SPATA13: variants seen among roughly 807,000 people sequenced by gnomAD.
SPATA13 encodes the protein spermatogenesis associated 13, also known as spermatogenesis-associated protein 13.
SPATA13 carries 50 observed loss-of-function variants against 104.0 expected under a neutral mutation model. The ratio of observed to expected loss-of-function variants is 0.48; its 90% CI spans 0.38 to 0.61. The LOEUF is 0.61. SPATA13 is among the 20% of genes least tolerant of loss of function. The pLI is 0.00. For missense variants in SPATA13, 1,524 were observed against 1,690.6 expected, an observed-to-expected ratio of 0.90 and a Z score of 1.73; for synonymous variants, 606 against 667.5, an observed-to-expected ratio of 0.91 and a Z score of 1.42.
chr13:24,026,164 C>A (rs73162159), intron 3 of SPATA13, among the ~76,000 whole-genome samples: 1 of 152,238 alleles, frequency 6.6e-6, no homozygotes, highest in Non-Finnish European at 1.5e-5. Context: ...TATGATTTTT[C>A]ATGTCGTTTT....
upstream of SPATA13, among the ~76,000 whole-genome samples, chr13:24,158,053 GAAC>G (rs960774498): frequency 8.5e-5 from 13 of 152,300 alleles, no homozygotes; most frequent in African/African-American, 2.9e-4. Flanking sequence ...ATGTTATGTG[GAAC>G]AACAACAAAA....
Position 24,161,264 on chromosome 13 carries a change from C to T in SPATA13, c.-112+332C>T, listed in dbSNP as rs892307601. ...GTCGCCTTGTAACTTCACCCGCGCT[C>T]CCAGCTCGCGGGGCCTGGCCTACAG... On this transcript the variant is annotated intron_variant, in intron 1 of 12. Transcript: ENST00000382108. The surrounding 1 kb of genome is among the most constrained non-coding windows in gnomAD (Gnocchi z 4.5). Among the ~76,000 whole-genome samples, 1 of 152,144 alleles carries T rather than the reference C, an allele frequency of 6.6e-6. No individual in the cohort carries two copies. The highest frequency in any genetic ancestry group is 2.4e-5 in the African/African-American group (1 of 41,448).
intron 4 of SPATA13, chr13:24,271,035 TCTCTCA>T (rs1337268873): frequency 2.8e-6 from 2 of 704,716 alleles, no homozygotes; most frequent in Admixed American, 2.1e-5. Context: ...TCTCTCTCTC[TCTCTCA>T]CTCTCTCTCT....
chr13:24,093,664 G>A (rs1477351562), intron 3 of SPATA13, among the ~76,000 whole-genome samples: 1 of 152,198 alleles, frequency 6.6e-6, no homozygotes, highest in Non-Finnish European at 1.5e-5. Flanking sequence ...TGGCTTGGTG[G>A]CTGTGAGGAA....
At chr13:24,093,463 C>G (rs1205486111) in intron 3 of SPATA13, among the ~76,000 whole-genome samples, 1 of 152,116 alleles carries the variant, frequency 6.6e-6, no homozygotes, top group African/African-American at 2.4e-5. Context: ...TTGAGATGGG[C>G]CTTAGGTAGA....
At chr13:24,116,253 A>C (rs1398221463) in intron 3 of SPATA13, among the ~76,000 whole-genome samples, 3 of 152,206 alleles carry the variant, frequency 2.0e-5, no homozygotes, top group Admixed American at 2.0e-4. Context: ...CTGTGTCCTC[A>C]CGTGATGGAC....
At chr13:24,136,746 A>G (rs1881583966) in intron 3 of SPATA13, among the ~76,000 whole-genome samples, 1 of 152,220 alleles carries the variant, frequency 6.6e-6, no homozygotes, top group Non-Finnish European at 1.5e-5. Flanking sequence ...GGAAATATTT[A>G]AGGAGTGTGA....
intron 3 of SPATA13, among the ~76,000 whole-genome samples, chr13:24,048,277 T>C (rs1276144967): frequency 6.6e-6 from 1 of 152,194 alleles, no homozygotes; most frequent in Non-Finnish European, 1.5e-5. Flanking sequence ...ATTTCCCAGA[T>C]GACTGTTGCA....
intron 4 of SPATA13, among the ~76,000 whole-genome samples, chr13:24,277,382 T>A (rs1182479264): frequency 6.9e-6 from 1 of 144,862 alleles, no homozygotes; most frequent in Non-Finnish European, 1.5e-5. Context: ...AGGCGGAGCT[T>A]GCAGTGACCC....
chr13:24,053,313 T>A (rs749584511), intron 3 of SPATA13, among the ~76,000 whole-genome samples: 5 of 152,320 alleles, frequency 3.3e-5, no homozygotes, highest in Non-Finnish European at 7.3e-5. Flanking sequence ...GGAAAATCAC[T>A]GCATTTGATG....
At position 24,287,873 on chromosome 13, in the gene SPATA13, T is replaced by C. The variant is rs1876072014; in HGVS notation, c.2667+923T>C. On this transcript the variant is annotated intron_variant, in intron 7 of 12. Transcript: ENST00000382108. ...CTACACTGCTGTTCGCCCTGTCTGC[T>C]CATTACGGCTCTCCTAGCTGTAAAT... 2.0e-5 allele frequency among the ~76,000 whole-genome samples: 3 copies of C among 152,236 alleles called. No homozygotes were observed. The South Asian group carries it at 6.2e-4, about 32-fold the overall frequency.
At chr13:24,016,158 C>T (rs1211346863) in intron 2 of SPATA13, among the ~76,000 whole-genome samples, 1 of 152,134 alleles carries the variant, frequency 6.6e-6, no homozygotes, top group East Asian at 1.9e-4. Flanking sequence ...GAGACCTGCC[C>T]GGAATTGTGT....
chr13:24,025,908 G>C (rs1232384105), intron 3 of SPATA13, among the ~76,000 whole-genome samples: 1 of 151,664 alleles, frequency 6.6e-6, no homozygotes, highest in Non-Finnish European at 1.5e-5. Flanking sequence ...AGGTTCAAAG[G>C]ATTCTCCTGC....
intron 2 of SPATA13, among the ~76,000 whole-genome samples, chr13:24,008,387 C>A (rs150843060): frequency 1.3e-3 from 201 of 152,258 alleles, no homozygotes; most frequent in Non-Finnish European, 2.4e-3. Flanking sequence ...AGGCCCTGTC[C>A]CTGGGGCTGG....
intron 3 of SPATA13, among the ~76,000 whole-genome samples, chr13:24,140,794 C>T (rs1328136208): frequency 1.3e-5 from 2 of 152,224 alleles, no homozygotes; most frequent in Non-Finnish European, 2.9e-5. Flanking sequence ...CACCAGGATT[C>T]ACTTCTTTGA....
At chr13:24,159,777 T>C (rs1024311418), upstream of SPATA13, among the ~76,000 whole-genome samples, 3 of 152,376 alleles carry the variant, frequency 2.0e-5, no homozygotes, top group South Asian at 6.2e-4. Flanking sequence ...TTTTTTATTT[T>C]ACAGATTGTG....
At chr13:24,226,469 G>A (rs1205506654) in intron 2 of SPATA13, among the ~76,000 whole-genome samples, 1 of 152,166 alleles carries the variant, frequency 6.6e-6, no homozygotes, top group Non-Finnish European at 1.5e-5. Context: ...TAGCTGTCAA[G>A]GTTACAACAG....
chr13:24,251,440 G>A, intron 3 of SPATA13: 1 of 983,054 alleles, frequency 1.0e-6, no homozygotes, highest in East Asian at 1.1e-4. Flanking sequence ...CTTCTCAGAA[G>A]CTTCTTTTTC....
At chr13:24,253,297 T>C (rs912141) in intron 4 of SPATA13, 40,002 of 152,028 alleles carry the variant, frequency 0.26, 6,574 homozygotes, top group African/African-American at 0.47. Context: ...CAAAGAGTGT[T>C]ATTCTAATGA....
Sources: gnomAD v4.1 joint callset for allele counts (sites outside exome capture counted in the v4.1 genomes callset) on GRCh38, gnomAD v4.1.1 for gene constraint, Gnocchi (gnomAD v3.1) non-coding constraint, MANE v1.5 for transcripts, NCBI Gene and HGNC (gene_info 2026-07-23, HGNC 2026-07-21) for gene names.